Variants in ZNF486 observed in about 807,000 individuals in gnomAD.
The protein encoded by ZNF486 is KRAB box only protein 2.
A neutral mutation model predicts 12.8 loss-of-function variants in ZNF486; 12 were observed. That is an observed-to-expected ratio of 0.94 (90% CI 0.60 to 1.52). The LOEUF (loss-of-function observed/expected upper bound fraction) is 1.52, where lower values mean the gene tolerates loss of function less well. Among genes scored for constraint, ZNF486 ranks in the 40% most tolerant of loss-of-function variants. ZNF486 has a pLI of 0.00. For synonymous variants in ZNF486, 231 were observed against 184.9 expected (o/e 1.25, Z -2.02); for missense variants, 738 against 545.0 (o/e 1.35, Z -3.53).
rs562778566 is a variant in ZNF486, at chr19:20,199,252, T to G, written c.*1150T>G. The G allele has an allele frequency of 6.6e-6, 1 of 152,192 alleles. No homozygotes were observed. Among genetic ancestry groups the G allele is most frequent in the Non-Finnish European group, 1.5e-5 (1 of 68,036 alleles). 9.4% of individuals were successfully genotyped at this position (152,192 alleles called of 1,614,324 possible). ...CCTTTAAGGTGAAGAAGAGTATTGA[T>G]TCTGAAGACAAGCATTACAAATATA... On this transcript the variant is annotated 3_prime_UTR_variant, in exon 4 of 4. Transcript: ENST00000335117.
chr19:20,181,158 AT>A (rs1391070125), intron 1 of ZNF486, among the ~76,000 whole-genome samples: 1 of 152,096 alleles, frequency 6.6e-6, no homozygotes, highest in African/African-American at 2.4e-5. Flanking sequence ...CACAGGACTG[AT>A]TAGTAGAGAT....
intron 3 of ZNF486, among the ~76,000 whole-genome samples, chr19:20,195,845 T>C (rs2089952928): frequency 6.6e-6 from 1 of 152,230 alleles, no homozygotes; most frequent in Non-Finnish European, 1.5e-5. Flanking sequence ...ATAATTTACC[T>C]TTAGACTCAG....
intron 1 of ZNF486, among the ~76,000 whole-genome samples, chr19:20,180,474 T>C (rs2122648319): frequency 6.6e-6 from 1 of 152,344 alleles, no homozygotes; most frequent in South Asian, 2.1e-4. Flanking sequence ...GCACAATATA[T>C]AGATGTGTCC....
intron 1 of ZNF486, among the ~76,000 whole-genome samples, chr19:20,170,881 C>T (rs1334123254): frequency 3.9e-5 from 6 of 152,068 alleles, no homozygotes; most frequent in Admixed American, 6.6e-5. Context: ...TATATTAAAC[C>T]GGTAAACATA....
intron 1 of ZNF486, among the ~76,000 whole-genome samples, chr19:20,174,745 G>T (rs1241716257): frequency 6.6e-6 from 1 of 152,048 alleles, no homozygotes. Context: ...TCACTTAAAT[G>T]GTTATTTTAA....
At chr19:20,195,580 C>CA (rs1728768115) in intron 3 of ZNF486, among the ~76,000 whole-genome samples, 1 of 152,262 alleles carries the variant, frequency 6.6e-6, no homozygotes, top group South Asian at 2.1e-4. Context: ...TATACATTAT[C>CA]ATCTTTGATA....
intron 3 of ZNF486, among the ~76,000 whole-genome samples, chr19:20,191,561 A>G (rs1386506018): frequency 2.0e-5 from 3 of 151,536 alleles, no homozygotes; most frequent in Non-Finnish European, 2.9e-5. Flanking sequence ...CGAGGTCAGG[A>G]GATCGAGACT....
chr19:20,183,791 T>G (rs2089812354), intron 1 of ZNF486, among the ~76,000 whole-genome samples: 1 of 152,082 alleles, frequency 6.6e-6, no homozygotes, highest in African/African-American at 2.4e-5. Flanking sequence ...ATGAAGCCTC[T>G]TATCTTTGTT....
rs2089974153 is a variant in ZNF486, at chr19:20,197,689, T to C, written c.979T>C (p.Cys327Arg). ...TGEKPYTCDKCGKAFISSSIL... is the reference protein window; with the variant it reads ...TGEKPYTCDKRGKAFISSSIL... ...AGAGAAACCGTACACGTGTGATAAA[T>C]GTGGCAAAGCCTTTATTTCATCCTC... is the stretch of plus-strand genomic sequence containing the variant. The change falls in exon 4 of 4, where the codon TGT (cysteine) becomes CGT (arginine). Residue 327 changes from cysteine (C) to arginine (R), a missense_variant. Transcript: ENST00000335117. 6.2e-7 allele frequency: 1 copy of C among 1,613,668 alleles called. No individual in the cohort carries two copies. Among genetic ancestry groups the C allele is most frequent in the African/African-American group, 1.3e-5 (1 of 74,898 alleles).
Position 20,197,256 on chromosome 19 carries a change from G to C in ZNF486, c.546G>C (p.Leu182Phe). 3 of 1,611,516 alleles carry C rather than the reference G, an allele frequency of 1.9e-6. No homozygotes were observed. Among genetic ancestry groups the C allele is most frequent in the Non-Finnish European group, 2.5e-6 (3 of 1,179,394 alleles). Residue 182 changes from leucine (L) to phenylalanine (F), a missense_variant, in exon 4 of 4, where the codon TTG becomes TTC. Coordinates refer to ENST00000335117, the MANE Select transcript of ZNF486 (RefSeq NM_052852.4). ...HKRRHTEKKP[L>F]KYIEGDKAFN... ...GAAGACATACTGAAAAAAAACCTTT[G>C]AAATATATAGAAGGTGACAAAGCTT...
chr19:20,167,539 C>T (rs2089598054), intron 1 of ZNF486, among the ~76,000 whole-genome samples, 179 bp downstream of exon 1: 2 of 152,174 alleles, frequency 1.3e-5, no homozygotes, highest in South Asian at 2.1e-4. Context: ...CAGCCGGTCC[C>T]GGGGCGTCCT....
At position 20,193,537 on chromosome 19, in the gene ZNF486, T is replaced by A. The variant is rs573537929; in HGVS notation, c.254-3427T>A. Among the ~76,000 whole-genome samples, 175 of 152,186 alleles carry A rather than the reference T, an allele frequency of 1.1e-3. 1 individual carries two copies. The highest frequency in any genetic ancestry group is 4.0e-3 in the African/African-American group (165 of 41,520). Reference sequence around the variant, plus strand: ...TTATCCGGGCATGCTGGCAGGTGCCTATAATCCCAGCTCCTCAGGAGGCTG... The same window carrying A: ...TTATCCGGGCATGCTGGCAGGTGCCAATAATCCCAGCTCCTCAGGAGGCTG... On this transcript the variant is annotated intron_variant, in intron 3 of 3. Transcript: ENST00000335117.
chr19:20,180,845 A>G (rs2089776979), intron 1 of ZNF486, among the ~76,000 whole-genome samples: 1 of 151,982 alleles, frequency 6.6e-6, no homozygotes, highest in African/African-American at 2.4e-5. Context: ...ACTTTTTTTT[A>G]CCTTCTAAAG....
intron 3 of ZNF486, among the ~76,000 whole-genome samples, chr19:20,191,234 G>A (rs1407889977): frequency 1.3e-5 from 2 of 152,158 alleles, no homozygotes; most frequent in African/African-American, 4.8e-5. Context: ...CACTTTGGGA[G>A]GCCGAGGCGG....
intron 3 of ZNF486, among the ~76,000 whole-genome samples, chr19:20,194,380 T>C (rs2089937291): frequency 6.6e-6 from 1 of 152,208 alleles, no homozygotes; most frequent in South Asian, 2.1e-4. Flanking sequence ...AAAAAAATTA[T>C]TATAACTTTA....
At chr19:20,194,000 C>G (rs1193755158) in intron 3 of ZNF486, among the ~76,000 whole-genome samples, 1 of 152,008 alleles carries the variant, frequency 6.6e-6, no homozygotes, top group Non-Finnish European at 1.5e-5. Flanking sequence ...TTGCCTTCAA[C>G]TTTGTTACTG....
rs546001424 is a variant in ZNF486 at position 20,177,909 on chromosome 19, T to G, written c.31-6447T>G. Among the ~76,000 whole-genome samples the G allele has an allele frequency of 2.7e-5, 4 of 147,434 alleles. No individual in the cohort carries two copies. In the South Asian group the frequency reaches 6.4e-4, roughly 24 times the overall value. On this transcript the variant is annotated intron_variant, in intron 1 of 3. Coordinates refer to ENST00000335117, the MANE Select transcript of ZNF486 (RefSeq NM_052852.4). ...TTCTTTCTGTTCTATTATTGTGGAG[T>G]TTTTCTGGGGCTGTAAACATTTGTT...
chr19:20,181,031 A>AC (rs2089778730), intron 1 of ZNF486, among the ~76,000 whole-genome samples: 1 of 152,150 alleles, frequency 6.6e-6, no homozygotes, highest in African/African-American at 2.4e-5. Flanking sequence ...AACTGGAAGT[A>AC]CCCCAGTGGC....
At chr19:20,173,692 C>T (rs1007775820) in intron 1 of ZNF486, among the ~76,000 whole-genome samples, 12 of 151,848 alleles carry the variant, frequency 7.9e-5, no homozygotes, top group Admixed American at 3.9e-4. Flanking sequence ...ATTAGTCAGG[C>T]GTGGTGGCGG....
Sources: gnomAD v4.1 joint callset for allele counts (sites outside exome capture counted in the v4.1 genomes callset) on GRCh38, gnomAD v4.1.1 for gene constraint, MANE v1.5 for transcripts, NCBI Gene and HGNC (gene_info 2026-07-23, HGNC 2026-07-21) for gene names.